Variants in OPTC observed in about 807,000 individuals in gnomAD.
OPTC encodes oculoglycan.
A neutral mutation model predicts 25.4 loss-of-function variants in OPTC; 22 were observed. That is an observed-to-expected ratio of 0.87 (90% CI 0.62 to 1.24). OPTC has a LOEUF of 1.24. OPTC is among the 50% of genes most tolerant of loss of function. The pLI, the probability that OPTC is intolerant of heterozygous loss-of-function variation, is 0.00. For missense variants in OPTC, 417 were observed against 425.2 expected, an observed-to-expected ratio of 0.98 and a Z score of 0.17; for synonymous variants, 169 against 179.3, an observed-to-expected ratio of 0.94 and a Z score of 0.46.
chr1:203,499,593 C>T (rs2102221062), intron 4 of OPTC, 56 bp from the exon 5 acceptor site: 2 of 1,466,514 alleles, frequency 1.4e-6, no homozygotes, highest in Middle Eastern at 1.7e-4. Context: ...CCAACCTGGA[C>T]AAGGAAAGAT....
In OPTC at chr1:203,499,695, C is replaced by T. The variant is rs185414938; in HGVS notation, c.576C>T (p.Ile192=). ...IDLSNNLISS[I]DNDAFRLLHA... ...TCTCCAACAACCTCATTTCCTCCAT[C>T]GATAATGATGCCTTCCGCCTGCTAC... Residue 192 remains isoleucine (I), a synonymous_variant, in exon 5 of 8, where the codon ATC becomes ATT. Transcript: ENST00000367222. 1.8e-5 allele frequency: 29 copies of T among 1,613,584 alleles called. No homozygotes were observed. The highest frequency in any genetic ancestry group is 6.7e-5 in the Admixed American group (4 of 60,002).
In OPTC at chr1:203,501,021, G is replaced by A. The variant is rs28463456; in HGVS notation, c.732+1170G>A. Among the ~76,000 whole-genome samples, 1,433 of 152,254 alleles carry A rather than the reference G, an allele frequency of 9.4e-3. 25 individuals carry two copies. The highest frequency in any genetic ancestry group is 0.033 in the African/African-American group (1,361 of 41,536). On this transcript the variant is annotated intron_variant, in intron 5 of 7. Transcript: ENST00000367222. ...GTGCTGATTCTGGCCCTAATTCTAC[G>A]TATCCTTTTATTTCCAAAACCCTTC...
In OPTC at chr1:203,499,649, C is replaced by G. The variant is rs750254235; in HGVS notation, c.530C>G (p.Thr177Arg). Residue 177 changes from threonine (T) to arginine (R), a missense_variant and splice_region_variant, in exon 5 of 8, where the codon ACA (threonine) becomes AGA (arginine). By Grantham distance (71) the Thr-to-Arg change is moderately conservative (BLOSUM62 -1). Coordinates refer to ENST00000367222, the MANE Select transcript of OPTC (RefSeq NM_014359.4). ...RIRAEDFKGL[T>R]KLKRIDLSNN... is the part of the protein sequence containing the mutation. ...TTTGTTCTCCCCTAACCTCTCTCAG[C>G]AAAGTTGAAGAGGATTGACCTCTCC... 23 of 1,612,998 alleles carry G rather than the reference C, an allele frequency of 1.4e-5. No individual in the cohort carries two copies. The East Asian group carries it at 2.9e-4, about 20-fold the overall frequency.
intron 5 of OPTC, 25 bp from the exon 6 acceptor site, chr1:203,502,889 C>T (rs1661412848): frequency 1.3e-6 from 2 of 1,599,560 alleles, no homozygotes; most frequent in South Asian, 1.1e-5. Context: ...CCACCAGCCT[C>T]CTACACTCTT....
rs759793634 is a variant in OPTC at position 203,503,061 on chromosome 1, T to C, written c.828+52T>C. ...TGATAAACAGCGTGGAGGATGGAAG[T>C]TAGATACCAGGAGCAGGTCGTGGCA... On this transcript the variant is annotated intron_variant, in intron 6 of 7. Coordinates refer to ENST00000367222, the MANE Select transcript of OPTC (RefSeq NM_014359.4). The C allele has an allele frequency of 4.9e-6, 7 of 1,432,652 alleles. No homozygotes were observed. The African/African-American group carries it at 9.8e-5, about 20-fold the overall frequency. The allele number at this position is 1,432,652 out of a possible 1,614,324, so 88.7% of individuals were successfully genotyped here.
chr1:203,503,099 A>C lies in OPTC; in HGVS notation c.828+90A>C, dbSNP rs1355049866. ...GCAGGTCGTGGCAGAGAGAGGCATG[A>C]GGCTTAGGCAGCTGTGGGGTCTCCT... On this transcript the variant is annotated intron_variant, in intron 6 of 7. Transcript: ENST00000367222. 23 of 979,474 alleles carry C rather than the reference A, an allele frequency of 2.3e-5. No individual in the cohort carries two copies. In the Admixed American group the frequency reaches 4.4e-4, roughly 19 times the overall value. The allele number at this position is 979,474 out of a possible 1,614,324, so 60.7% of individuals were successfully genotyped here. A position where few individuals can be genotyped will look rare whatever the true frequency, so the allele number is the denominator to read the frequency against.
At chr1:203,497,823 G>A (rs574330969) in intron 3 of OPTC, among the ~76,000 whole-genome samples, 65 of 152,262 alleles carry the variant, frequency 4.3e-4, no homozygotes, top group Non-Finnish European at 7.5e-4. Flanking sequence ...AGGCCATAAA[G>A]GGCCTCAGCT....
At chr1:203,503,111 C>T (rs1661417986) in intron 6 of OPTC, 102 bp downstream of exon 6, 2 of 867,836 alleles carry the variant, frequency 2.3e-6, no homozygotes, top group South Asian at 2.8e-5. Flanking sequence ...GCTTAGGCAG[C>T]TGTGGGGTCT....
At chr1:203,506,155 T>TTTC in intron 7 of OPTC, among the ~76,000 whole-genome samples, 1 of 150,006 alleles carries the variant, frequency 6.7e-6, no homozygotes, top group South Asian at 2.1e-4. Flanking sequence ...CTTTTTTCTT[T>TTTC]TTTTTTTTTT....
intron 3 of OPTC, among the ~76,000 whole-genome samples, chr1:203,497,939 C>CTG (rs1371624713): frequency 1.3e-5 from 2 of 152,188 alleles, no homozygotes; most frequent in Non-Finnish European, 2.9e-5. Context: ...AATCTGGGGG[C>CTG]TGTGTCACTG....
intron 5 of OPTC, 110 bp downstream of exon 5, chr1:203,499,961 C>T (rs1169945690): frequency 1.6e-5 from 14 of 885,722 alleles, no homozygotes; most frequent in Admixed American, 7.9e-5. Context: ...CCCACCTCCA[C>T]CTCTACCACC....
intron 2 of OPTC, among the ~76,000 whole-genome samples, chr1:203,496,738 CT>C (rs1017647290): frequency 6.6e-6 from 1 of 152,078 alleles, no homozygotes; most frequent in Non-Finnish European, 1.5e-5. Flanking sequence ...CCTGCTGGCT[CT>C]TTGATCCTCA....
intron 7 of OPTC, among the ~76,000 whole-genome samples, chr1:203,507,109 G>A (rs551688778): frequency 6.6e-6 from 1 of 152,316 alleles, no homozygotes; most frequent in South Asian, 2.1e-4. Context: ...GAGAGAGATG[G>A]GGAGAGACAG....
chr1:203,502,833 TGTCTCTGGTCTCA>T, intron 5 of OPTC, 68 bp from the exon 6 acceptor site: 1 of 1,071,110 alleles, frequency 9.3e-7, no homozygotes, highest in Non-Finnish European at 1.4e-6. Flanking sequence ...TGGGGCCACC[TGTCTCTGGTCTCA>T]TAGCCCTCCT....
intron 7 of OPTC, among the ~76,000 whole-genome samples, chr1:203,506,152 CTTTT>C (rs1211629662): frequency 7.1e-6 from 1 of 140,584 alleles, no homozygotes; most frequent in Non-Finnish European, 1.5e-5. Context: ...TTTCTTTTTT[CTTTT>C]TTTTTTTTTT....
intron 7 of OPTC, among the ~76,000 whole-genome samples, chr1:203,506,983 C>A (rs890944877): frequency 1.3e-5 from 2 of 152,234 alleles, no homozygotes; most frequent in Non-Finnish European, 2.9e-5. Context: ...CTTGGCTAAT[C>A]CCCCATTTTT....
At chr1:203,494,691 A>G (rs115425100) in intron 1 of OPTC, among the ~76,000 whole-genome samples, 2 of 152,198 alleles carry the variant, frequency 1.3e-5, no homozygotes, top group South Asian at 4.1e-4. Flanking sequence ...AAAAAATTTT[A>G]AAAGAAAGAA....
Position 203,498,694 on chromosome 1 carries a change from C to T in OPTC, c.384C>T (p.Cys128=), listed in dbSNP as rs142163891. 2.5e-6 allele frequency: 4 copies of T among 1,614,114 alleles called. No homozygotes were observed. In the African/African-American group the frequency reaches 5.3e-5, roughly 22 times the overall value. ...SSQPNHGLPT[C]LVCVCLGSSV... ...CACCTGGGCCAGGTCTGCCCACCTG[C>T]CTGGTCTGCGTGTGCCTCGGTTCCT... Residue 128 remains cysteine, a synonymous_variant, in exon 4 of 8, where the codon TGC becomes TGT. Transcript: ENST00000367222.
chr1:203,496,164 A>G lies in OPTC; in HGVS notation c.159A>G (p.Pro53=). The G allele has an allele frequency of 6.2e-7, 1 of 1,614,194 alleles. No individual in the cohort carries two copies. The highest frequency in any genetic ancestry group is 8.5e-7 in the Non-Finnish European group (1 of 1,180,030). ...CTCTGCGGAATGATGTCCTGAACCC[A>G]GACAACTATGGTGAAGTCATTGACC... ...VLPLRNDVLN[P]DNYGEVIDLS... is the part of the protein sequence containing the mutation. The change falls in exon 2 of 8, where the codon CCA becomes CCG. Residue 53 remains proline, a synonymous_variant. Transcript: ENST00000367222.
Sources: allele counts gnomAD v4.1 joint callset (sites outside exome capture counted in the v4.1 genomes callset), GRCh38; gene constraint gnomAD v4.1.1; transcripts MANE v1.5; gene names NCBI Gene and HGNC (gene_info 2026-07-23, HGNC 2026-07-21).